Variants in NRG1 observed in about 807,000 individuals in gnomAD.
NRG1 encodes neuregulin 1, also known as pro-neuregulin-1, membrane-bound isoform.
NRG1 carries 18 observed loss-of-function variants against 63.8 expected under a neutral mutation model. That is an observed-to-expected ratio of 0.28 (90% CI 0.19 to 0.42). NRG1 has a LOEUF of 0.42. Among genes scored for constraint, NRG1 ranks in the 10% least tolerant of loss-of-function variants. NRG1 has a pLI of 1.00. For synonymous variants in NRG1, 302 were observed against 301.3 expected (o/e 1.00, Z -0.02); for missense variants, 762 against 814.7 (o/e 0.94, Z 0.79).
At position 32,378,361 on chromosome 8, in the gene NRG1, G is replaced by A. The variant is rs912310091; in HGVS notation, c.38-217467G>A. On this transcript the variant is annotated intron_variant, in intron 1 of 10. Coordinates refer to the NRG1 transcript ENST00000519301. Reference sequence around the variant, plus strand: ...AAAACATCCTATATTCATTATGCCCGGGGCGCTTCCATTTACTCACTGAGT... The same window carrying A: ...AAAACATCCTATATTCATTATGCCCAGGGCGCTTCCATTTACTCACTGAGT... Among the ~76,000 whole-genome samples, 3 of 152,062 alleles carry A rather than the reference G, an allele frequency of 2.0e-5. 1 individual carries two copies. The highest frequency in any genetic ancestry group is 4.8e-5 in the African/African-American group (2 of 41,388).
intron 1 of NRG1, among the ~76,000 whole-genome samples, chr8:31,966,089 C>A (rs1156790578): frequency 1.3e-5 from 2 of 152,100 alleles, no homozygotes; most frequent in South Asian, 2.1e-4. Context: ...CAAACATGCA[C>A]ATGTACTCCC....
chr8:32,159,161 A>G (rs1838516909), intron 1 of NRG1, among the ~76,000 whole-genome samples: 1 of 152,248 alleles, frequency 6.6e-6, no homozygotes. Flanking sequence ...TAACAAAACC[A>G]GTAGCTTAGC....
intron 5 of NRG1, among the ~76,000 whole-genome samples, chr8:32,662,867 G>A (rs1262448071): frequency 6.6e-6 from 1 of 152,036 alleles, no homozygotes; most frequent in Non-Finnish European, 1.5e-5. Context: ...AATAAATCAA[G>A]GTTCTTATCA....
chr8:32,760,167 A>T, intron 10 of NRG1, 33 bp from the exon 11 acceptor site: 1 of 1,610,764 alleles, frequency 6.2e-7, no homozygotes, highest in Non-Finnish European at 8.5e-7. Flanking sequence ...TTTTGCACGA[A>T]ATATCTGATT....
At chr8:32,423,694 A>G (rs1355684413) in intron 1 of NRG1, among the ~76,000 whole-genome samples, 1 of 152,132 alleles carries the variant, frequency 6.6e-6, no homozygotes, top group Non-Finnish European at 1.5e-5. Flanking sequence ...TTCCTCTTCT[A>G]CCTGTGCCAG....
chr8:32,374,002 G>A (rs1178735081), intron 1 of NRG1, among the ~76,000 whole-genome samples: 1 of 152,094 alleles, frequency 6.6e-6, no homozygotes, highest in Admixed American at 6.6e-5. Flanking sequence ...TGTATTCCCA[G>A]CCTTGAATTT....
downstream of NRG1, among the ~76,000 whole-genome samples, chr8:32,771,680 G>C (rs13266765): frequency 0.8 from 111,175 of 139,204 alleles, 45,372 homozygotes; most frequent in Middle Eastern, 0.91. Context: ...TTTCTACACA[G>C]GATGTTCAGA....
At chr8:31,750,364 C>T (rs1218893720) in intron 1 of NRG1, among the ~76,000 whole-genome samples, 1 of 151,822 alleles carries the variant, frequency 6.6e-6, no homozygotes, top group Non-Finnish European at 1.5e-5. Context: ...TCCACATATG[C>T]ATGTAAATGT....
intron 1 of NRG1, among the ~76,000 whole-genome samples, chr8:32,039,941 G>C (rs915018924): frequency 1.2e-4 from 19 of 152,074 alleles, no homozygotes; most frequent in Admixed American, 6.6e-5. Flanking sequence ...AGGATTGCTT[G>C]AACCGAAGAG....
At chr8:31,851,989 T>G (rs1273320850) in intron 1 of NRG1, among the ~76,000 whole-genome samples, 2 of 145,862 alleles carry the variant, frequency 1.4e-5, no homozygotes, top group Admixed American at 6.9e-5. Flanking sequence ...GTGCCACATT[T>G]TCTTAATCCA....
intron 1 of NRG1, among the ~76,000 whole-genome samples, chr8:31,938,496 A>C (rs1801266512): frequency 6.6e-6 from 1 of 152,102 alleles, no homozygotes; most frequent in South Asian, 2.1e-4. Flanking sequence ...TGACAAAATA[A>C]GGTTATTTAA....
downstream of NRG1, among the ~76,000 whole-genome samples, chr8:32,771,980 G>A (rs963323070): frequency 4.9e-5 from 7 of 141,864 alleles, 1 homozygote; most frequent in East Asian, 2.0e-4. Flanking sequence ...TTGAGATCAC[G>A]CCATTGCACT....
At chr8:32,359,641 T>A (rs139016750) in intron 1 of NRG1, among the ~76,000 whole-genome samples, 1 of 152,324 alleles carries the variant, frequency 6.6e-6, no homozygotes, top group Non-Finnish European at 1.5e-5. Flanking sequence ...CAGTCTTTTT[T>A]TCACTCTGAT....
chr8:31,886,444 C>G (rs1830722169), intron 1 of NRG1, among the ~76,000 whole-genome samples: 1 of 151,920 alleles, frequency 6.6e-6, no homozygotes, highest in Non-Finnish European at 1.5e-5. Flanking sequence ...AATTCTTGTT[C>G]AATTTTTGAG....
chr8:32,190,725 G>A (rs1842412623), intron 1 of NRG1, among the ~76,000 whole-genome samples: 1 of 152,142 alleles, frequency 6.6e-6, no homozygotes, highest in South Asian at 2.1e-4. Context: ...TAATGAGTAA[G>A]TCTACCACAT....
At chr8:32,274,702 C>G (rs1362207275) in intron 1 of NRG1, among the ~76,000 whole-genome samples, 10 of 152,102 alleles carry the variant, frequency 6.6e-5, no homozygotes, top group Non-Finnish European at 1.5e-4. Context: ...CTATTTTAAC[C>G]CCAATTTAAA....
chr8:32,173,240 A>C (rs1840280978), intron 1 of NRG1, among the ~76,000 whole-genome samples: 1 of 152,162 alleles, frequency 6.6e-6, no homozygotes, highest in Non-Finnish European at 1.5e-5. Flanking sequence ...CAGCCAAACT[A>C]AGCTTCATAA....
At chr8:31,769,226 C>T (rs1305807735) in intron 1 of NRG1, among the ~76,000 whole-genome samples, 1 of 152,128 alleles carries the variant, frequency 6.6e-6, no homozygotes, top group Non-Finnish European at 1.5e-5. Context: ...TAATGGCTTG[C>T]TATTTATTTT....
chr8:32,563,213 G>A (rs1194381837), intron 1 of NRG1, among the ~76,000 whole-genome samples: 1 of 152,134 alleles, frequency 6.6e-6, no homozygotes, highest in Non-Finnish European at 1.5e-5. Flanking sequence ...ATGTGGCCCA[G>A]GGAAGCCAAA....
Sources: allele counts gnomAD v4.1 joint callset (sites outside exome capture counted in the v4.1 genomes callset), GRCh38; gene constraint gnomAD v4.1.1; transcripts MANE v1.5; gene names NCBI Gene and HGNC (gene_info 2026-07-23, HGNC 2026-07-21).